Variants in TAFA2 observed in about 807,000 individuals in gnomAD.
TAFA2 encodes the protein chemokine-like protein TAFA-2.
A neutral mutation model predicts 18.8 loss-of-function variants in TAFA2; 7 were observed. The ratio of observed to expected loss-of-function variants is 0.37; its 90% CI spans 0.21 to 0.70. The LOEUF is 0.70. Ranked by LOEUF, TAFA2 falls within the 30% of genes least tolerant of loss-of-function variation. The probability of loss-of-function intolerance (pLI) is 0.53; values close to 1 mark genes in which losing one functional copy is unlikely to be tolerated. For missense variants in TAFA2, 122 were observed against 158.1 expected (o/e 0.77, Z 1.23); for synonymous variants, 60 against 54.2 (o/e 1.11, Z -0.47).
At chr12:62,258,809 T>C in exon 1 of TAFA2, 1 of 335,892 alleles carries the variant, frequency 3.0e-6, no homozygotes, top group Non-Finnish European at 6.1e-6. Flanking sequence ...CAGCTTCCCT[T>C]CAGAAAATTA....
intron 2 of TAFA2, among the ~76,000 whole-genome samples, chr12:61,846,792 C>G (rs756810542): frequency 2.6e-5 from 4 of 152,110 alleles, no homozygotes; most frequent in Non-Finnish European, 4.4e-5. Flanking sequence ...TATTTAATTT[C>G]CTCTACCAAA....
chr12:62,065,805 T>G (rs1161648899), intron 1 of TAFA2, among the ~76,000 whole-genome samples: 1 of 151,764 alleles, frequency 6.6e-6, no homozygotes, highest in Admixed American at 6.6e-5. Context: ...TATTTACACC[T>G]GTACTCAGCC....
chr12:62,147,212 T>A (rs573361653), intron 1 of TAFA2, among the ~76,000 whole-genome samples: 1 of 148,590 alleles, frequency 6.7e-6, no homozygotes, highest in East Asian at 2.0e-4. Flanking sequence ...CTATAAAAGT[T>A]CCAGAAGAAA....
intron 4 of TAFA2, among the ~76,000 whole-genome samples, chr12:61,716,634 A>G (rs1244908921): frequency 6.6e-6 from 1 of 152,232 alleles, no homozygotes; most frequent in Admixed American, 6.5e-5. Context: ...ATGAGGAACT[A>G]TTAAACAATA....
At chr12:62,233,712 T>C (rs376225502) in intron 1 of TAFA2, among the ~76,000 whole-genome samples, 11 of 152,164 alleles carry the variant, frequency 7.2e-5, no homozygotes, top group African/African-American at 2.4e-4. Context: ...TCTTTGAGTA[T>C]CCAAGACCTC....
chr12:62,019,559 C>T (rs1881053149), intron 1 of TAFA2, among the ~76,000 whole-genome samples: 2 of 151,584 alleles, frequency 1.3e-5, no homozygotes, highest in Admixed American at 6.6e-5. Flanking sequence ...TCTCAGCAAA[C>T]TATCACAAGG....
chr12:61,885,803 C>T (rs896673588), intron 1 of TAFA2, among the ~76,000 whole-genome samples: 5 of 152,258 alleles, frequency 3.3e-5, no homozygotes, highest in African/African-American at 9.6e-5. Flanking sequence ...ACGTGAGTGT[C>T]GGTGTTACAT....
chr12:61,954,414 G>A (rs147788997), intron 1 of TAFA2, among the ~76,000 whole-genome samples: 20 of 152,106 alleles, frequency 1.3e-4, no homozygotes, highest in African/African-American at 4.6e-4. Context: ...GTAGCATTTG[G>A]AATTTGTAAT....
At chr12:61,845,363 A>AT (rs1439481191) in intron 2 of TAFA2, among the ~76,000 whole-genome samples, 1 of 152,144 alleles carries the variant, frequency 6.6e-6, no homozygotes, top group Non-Finnish European at 1.5e-5. Context: ...AGAAAAAAAA[A>AT]GGAAAAGTAT....
At chr12:62,088,431 T>C (rs1479501571) in intron 1 of TAFA2, among the ~76,000 whole-genome samples, 1 of 151,986 alleles carries the variant, frequency 6.6e-6, no homozygotes, top group Non-Finnish European at 1.5e-5. Context: ...GAGTAGCTCT[T>C]AGGCTGTCCC....
intron 1 of TAFA2, among the ~76,000 whole-genome samples, chr12:61,932,895 A>G (rs1410783474): frequency 6.6e-6 from 1 of 152,102 alleles, no homozygotes; most frequent in Non-Finnish European, 1.5e-5. Context: ...AGGAAGATCC[A>G]TTGGAAATTA....
chr12:62,022,809 T>A (rs1488043687), intron 1 of TAFA2, among the ~76,000 whole-genome samples: 1 of 152,150 alleles, frequency 6.6e-6, no homozygotes, highest in Non-Finnish European at 1.5e-5. Context: ...TGACTGAGTG[T>A]CTATCATGTG....
At chr12:61,940,361 G>A (rs958260665) in intron 1 of TAFA2, among the ~76,000 whole-genome samples, 1 of 152,224 alleles carries the variant, frequency 6.6e-6, no homozygotes, top group African/African-American at 2.4e-5. Flanking sequence ...AAAATAAAGT[G>A]CAAAGGGATT....
chr12:62,090,774 G>T (rs911356907), intron 1 of TAFA2, among the ~76,000 whole-genome samples: 1 of 152,030 alleles, frequency 6.6e-6, no homozygotes, highest in African/African-American at 2.4e-5. Flanking sequence ...TTCTGTTAGA[G>T]TAAGAAGAAT....
intron 1 of TAFA2, among the ~76,000 whole-genome samples, chr12:62,206,580 T>C (rs1220670249): frequency 6.6e-6 from 1 of 152,162 alleles, no homozygotes; most frequent in Non-Finnish European, 1.5e-5. Context: ...CCAGGCGGGA[T>C]GCAGTGGCAC....
intron 2 of TAFA2, among the ~76,000 whole-genome samples, chr12:61,827,473 T>C (rs2121078698): frequency 6.6e-6 from 1 of 152,138 alleles, no homozygotes; most frequent in African/African-American, 2.4e-5. Context: ...AATTTTTAGT[T>C]CTACTTTGAA....
intron 1 of TAFA2, among the ~76,000 whole-genome samples, chr12:62,095,381 C>T (rs1868905519): frequency 6.6e-6 from 1 of 152,058 alleles, no homozygotes; most frequent in South Asian, 2.1e-4. Context: ...GGAAAATAAA[C>T]ATGACACTGT....
At chr12:61,872,756 G>C (rs1339196794) in intron 1 of TAFA2, among the ~76,000 whole-genome samples, 5 of 151,906 alleles carry the variant, frequency 3.3e-5, no homozygotes, top group Admixed American at 2.6e-4. Context: ...TGCCATGAAG[G>C]TTCTCCCACC....
chr12:62,140,932 C>T (rs2062235405), intron 1 of TAFA2, among the ~76,000 whole-genome samples: 1 of 152,184 alleles, frequency 6.6e-6, no homozygotes, highest in African/African-American at 2.4e-5. Context: ...CCCTGGTAGA[C>T]ACCAGGGAAG....
Sources: gnomAD v4.1 joint callset for allele counts (sites outside exome capture counted in the v4.1 genomes callset) on GRCh38, gnomAD v4.1.1 for gene constraint, MANE v1.5 for transcripts, NCBI Gene and HGNC (gene_info 2026-07-23, HGNC 2026-07-21) for gene names.